Variants in N4BP1 observed in about 807,000 individuals in gnomAD.
N4BP1 encodes NEDD4-binding protein 1.
A neutral mutation model predicts 70.9 loss-of-function variants in N4BP1; 21 were observed. That is an observed-to-expected ratio of 0.30 (90% CI 0.21 to 0.43). N4BP1 has a LOEUF of 0.43. Ranked by LOEUF, N4BP1 falls within the 20% of genes least tolerant of loss-of-function variation. The pLI is 1.00. For missense variants in N4BP1, 936 were observed against 1,069.4 expected, an observed-to-expected ratio of 0.88 and a Z score of 1.74; for synonymous variants, 387 against 394.6, an observed-to-expected ratio of 0.98 and a Z score of 0.23.
Position 48,542,103 on chromosome 16 carries a change from G to A in N4BP1, c.*801C>T, listed in dbSNP as rs1276355780. On this transcript the variant is annotated 3_prime_UTR_variant, in exon 7 of 7. Transcript: ENST00000262384. The stretch of plus-strand genomic sequence containing the variant: ...CAGGCATGTGGAGGCCCCTGACTGT[G>A]GGCGTGTCAAGCCCTGGCTGGGGAG... The A allele has an allele frequency of 6.6e-6, 1 of 152,456 alleles. No homozygotes were observed. Among genetic ancestry groups the A allele is most frequent in the Non-Finnish European group, 1.5e-5 (1 of 68,080 alleles). 9.4% of individuals were successfully genotyped at this position (152,456 alleles called of 1,614,324 possible).
At chr16:48,560,613 C>T in intron 2 of N4BP1, 141 bp downstream of exon 2, 1 of 1,111,430 alleles carries the variant, frequency 9.0e-7, no homozygotes, top group Non-Finnish European at 1.3e-6. Context: ...CCAGTTGGTT[C>T]CCATTCCCCT....
Position 48,543,243 on chromosome 16 carries a change from GAGT to G in N4BP1, c.2349_2351del (p.Leu784del). The G allele has an allele frequency of 6.5e-7, 1 of 1,532,466 alleles. No homozygotes were observed. Among genetic ancestry groups the G allele is most frequent in the Non-Finnish European group, 8.8e-7 (1 of 1,139,652 alleles). 94.9% of individuals were successfully genotyped at this position (1,532,466 alleles called of 1,614,324 possible). A position where few individuals can be genotyped will look rare whatever the true frequency, so the allele number is the denominator to read the frequency against. On this transcript the variant is annotated inframe_deletion, in exon 7 of 7. Transcript: ENST00000262384. ...ACATGCCCACATTTGGCAGGGCACT[GAGT>G]AGGGGCTGCATATCTCTGTGAATGG... is the stretch of plus-strand genomic sequence containing the variant.
In N4BP1 at chr16:48,546,269, A is replaced by G. The variant is rs1260867540; in HGVS notation, c.2226-15T>C. 1.4e-5 allele frequency: 22 copies of G among 1,563,414 alleles called. No individual in the cohort carries two copies. The highest frequency in any genetic ancestry group is 1.9e-5 in the Non-Finnish European group (22 of 1,150,036). On this transcript the variant is annotated splice_polypyrimidine_tract_variant and intron_variant, in intron 5 of 6. Coordinates refer to ENST00000262384, the MANE Select transcript of N4BP1 (RefSeq NM_153029.4). The stretch of plus-strand genomic sequence containing the variant: ...ACTGCAGCAGCCTACAACACAGAAC[A>G]CCATGAGGCTGAGAGACAGGGTCCT...
intron 2 of N4BP1, among the ~76,000 whole-genome samples, chr16:48,558,720 C>T (rs2151088481): frequency 6.6e-6 from 1 of 152,284 alleles, no homozygotes; most frequent in East Asian, 1.9e-4. Context: ...GAAATCGTAA[C>T]AATGAAGAAC....
rs781336115 is a variant in N4BP1, at chr16:48,609,852, G to C, written c.121C>G (p.Leu41Val). 16 of 1,490,518 alleles carry C rather than the reference G, an allele frequency of 1.1e-5. No homozygotes were observed. The highest frequency in any genetic ancestry group is 6.2e-6 in the Non-Finnish European group (7 of 1,124,804). The allele number at this position is 1,490,518 out of a possible 1,614,324, so 92.3% of individuals were successfully genotyped here. A position where few individuals can be genotyped will look rare whatever the true frequency, so the allele number is the denominator to read the frequency against. ...FGVSLAVLGA[L>V]GAEEPLPARI... is the part of the protein sequence containing the mutation. ...GCGGGCAGCGGCTCCTCAGCCCCTAGCGCGCCGAGCACGGCTAGGCTCACG... is the reference window on the plus strand; with the variant it reads ...GCGGGCAGCGGCTCCTCAGCCCCTACCGCGCCGAGCACGGCTAGGCTCACG... The change falls in exon 1 of 7, where the codon CTA becomes GTA. Residue 41 changes from leucine to valine, a missense_variant. Leu to Val is a conservative substitution (Grantham distance 32). Around this residue, in one of 4 missense-constraint regions of N4BP1, gnomAD observed 187 missense variants for 217.1 expected, o/e 0.86. Transcript: ENST00000262384.
In N4BP1 at chr16:48,542,844, G is replaced by T; in HGVS notation, c.*60C>A. ...ATTATGTTCATTCCCATCAGGTACA[G>T]GTGTGAGCTTGAGTTTGATCAGCCA... On this transcript the variant is annotated 3_prime_UTR_variant, in exon 7 of 7. Transcript: ENST00000262384. 7.2e-7 allele frequency: 1 copy of T among 1,388,026 alleles called. No individual in the cohort carries two copies. Among genetic ancestry groups the T allele is most frequent in the Non-Finnish European group, 1.0e-6 (1 of 1,002,742 alleles). 86.0% of individuals were successfully genotyped at this position (1,388,026 alleles called of 1,614,324 possible). A position where few individuals can be genotyped will look rare whatever the true frequency, so the allele number is the denominator to read the frequency against.
intron 1 of N4BP1, among the ~76,000 whole-genome samples, chr16:48,605,779 C>T (rs529454496): frequency 6.6e-6 from 1 of 152,236 alleles, no homozygotes; most frequent in African/African-American, 2.4e-5. Flanking sequence ...TTCTCATGTC[C>T]CCCTAACTCT....
In N4BP1 at chr16:48,598,637, A is replaced by G. The variant is rs150187843; in HGVS notation, c.198+11138T>C. Among the ~76,000 whole-genome samples, 3 of 152,282 alleles carry G rather than the reference A, an allele frequency of 2.0e-5. No homozygotes were observed. In the East Asian group the frequency reaches 5.8e-4, roughly 29 times the overall value. ...AATTTGCCCCACATTGGAGAAATTTAAAGTCAGAAGGCAAAGATTACAATG... is the reference window on the plus strand; with the variant it reads ...AATTTGCCCCACATTGGAGAAATTTGAAGTCAGAAGGCAAAGATTACAATG... On this transcript the variant is annotated intron_variant, in intron 1 of 6. Coordinates refer to ENST00000262384, the MANE Select transcript of N4BP1 (RefSeq NM_153029.4).
At chr16:48,572,985 G>C (rs1371544143) in intron 1 of N4BP1, among the ~76,000 whole-genome samples, 1 of 151,710 alleles carries the variant, frequency 6.6e-6, no homozygotes, top group African/African-American at 2.4e-5. Context: ...GGTGGTGCAT[G>C]TCTGTAGTAG....
intron 1 of N4BP1, among the ~76,000 whole-genome samples, chr16:48,606,813 T>C (rs548865915): frequency 3.9e-5 from 6 of 152,332 alleles, no homozygotes; most frequent in African/African-American, 1.4e-4. Context: ...CAGTTCATCT[T>C]ATCTTATTTT....
Position 48,541,256 on chromosome 16 carries a change from T to C in N4BP1, c.*1648A>G, listed in dbSNP as rs1029867744. On this transcript the variant is annotated 3_prime_UTR_variant, in exon 7 of 7. Coordinates refer to ENST00000262384, the MANE Select transcript of N4BP1 (RefSeq NM_153029.4). Reference sequence around the variant, plus strand: ...CAGCCCGCACACCTCAGTTGTGCTTTTGAAAACAGGTACAAAGCTGAGGCA... The same window carrying C: ...CAGCCCGCACACCTCAGTTGTGCTTCTGAAAACAGGTACAAAGCTGAGGCA... 1.3e-5 allele frequency: 2 copies of C among 152,244 alleles called. No homozygotes were observed. Among genetic ancestry groups the C allele is most frequent in the Non-Finnish European group, 2.9e-5 (2 of 68,050 alleles). The allele number at this position is 152,244 out of a possible 1,614,324, so 9.4% of individuals were successfully genotyped here.
intron 1 of N4BP1, among the ~76,000 whole-genome samples, chr16:48,604,043 T>C (rs1378065114): frequency 6.6e-6 from 1 of 152,234 alleles, no homozygotes; most frequent in African/African-American, 2.4e-5. Flanking sequence ...TGAGAGTTTC[T>C]GGCTCAAGTG....
intron 1 of N4BP1, among the ~76,000 whole-genome samples, chr16:48,599,366 A>T (rs1413628534): frequency 6.6e-6 from 1 of 152,194 alleles, no homozygotes; most frequent in Non-Finnish European, 1.5e-5. Flanking sequence ...AATTCTGGCA[A>T]AATAGAGGGT....
At position 48,541,306 on chromosome 16, in the gene N4BP1, T is replaced by G. The variant is rs968233769; in HGVS notation, c.*1598A>C. 6.6e-6 allele frequency: 1 copy of G among 152,358 alleles called. No homozygotes were observed. The highest frequency in any genetic ancestry group is 1.5e-5 in the Non-Finnish European group (1 of 68,120). 9.4% of individuals were successfully genotyped at this position (152,358 alleles called of 1,614,324 possible). A position where few individuals can be genotyped will look rare whatever the true frequency, so the allele number is the denominator to read the frequency against. ...ATGGGAGCTGTGACTGAAGTCGCCC[T>G]CCTGGCTGGCCTCGTCTTCTACCTC... On this transcript the variant is annotated 3_prime_UTR_variant, in exon 7 of 7. Coordinates refer to ENST00000262384, the MANE Select transcript of N4BP1 (RefSeq NM_153029.4).
rs186407138 is a variant in N4BP1 at position 48,589,884 on chromosome 16, G to A, written c.198+19891C>T. ...TCTTGTTCATTGCTGGGTGTAGGTC[G>A]AAATAACCTTGGGAAGGAATTCAGT... On this transcript the variant is annotated intron_variant, in intron 1 of 6. Transcript: ENST00000262384. Among the ~76,000 whole-genome samples, 515 of 150,722 alleles carry A rather than the reference G, an allele frequency of 3.4e-3. 4 individuals carry two copies. Among genetic ancestry groups the A allele is most frequent in the African/African-American group, 0.011 (469 of 40,992 alleles).
At chr16:48,590,206 TCC>T (rs544714664) in intron 1 of N4BP1, among the ~76,000 whole-genome samples, 52 of 152,124 alleles carry the variant, frequency 3.4e-4, no homozygotes, top group Non-Finnish European at 5.9e-4. Context: ...AATTCTGCCA[TCC>T]CACCCAGGAA....
At chr16:48,598,135 C>T (rs1964445368) in intron 1 of N4BP1, among the ~76,000 whole-genome samples, 2 of 152,212 alleles carry the variant, frequency 1.3e-5, no homozygotes. Context: ...CTGGGACACT[C>T]GTTCAGCAAA....
intron 1 of N4BP1, among the ~76,000 whole-genome samples, chr16:48,599,556 T>A (rs1964466891): frequency 6.6e-6 from 1 of 152,256 alleles, no homozygotes; most frequent in African/African-American, 2.4e-5. Context: ...CCAATGCTCC[T>A]TGAACCAGTT....
At chr16:48,567,851 C>T (rs1963965176) in intron 1 of N4BP1, among the ~76,000 whole-genome samples, 1 of 152,120 alleles carries the variant, frequency 6.6e-6, no homozygotes, top group Non-Finnish European at 1.5e-5. Flanking sequence ...TAGGGGTGGT[C>T]CCCAGCTTGT....
Sources: gnomAD v4.1 joint callset for allele counts (sites outside exome capture counted in the v4.1 genomes callset) on GRCh38, gnomAD v4.1.1 for gene constraint, gnomAD v4.1.1 regional missense constraint, MANE v1.5 for transcripts, NCBI Gene and HGNC (gene_info 2026-07-23, HGNC 2026-07-21) for gene names.